Variants in NAALADL2 observed in about 807,000 individuals in gnomAD.
NAALADL2 encodes the protein N-acetylated alpha-linked acidic dipeptidase like 2.
A neutral mutation model predicts 87.2 loss-of-function variants in NAALADL2; 76 were observed. The observed-to-expected ratio is 0.87, with a 90% CI of 0.72 to 1.05. NAALADL2 has a LOEUF of 1.05. Among genes scored for constraint, NAALADL2 ranks in the 50% least tolerant of loss-of-function variants. The pLI is 0.00. For synonymous variants in NAALADL2, 354 were observed against 331.0 expected (o/e 1.07, Z -0.75); for missense variants, 1,089 against 945.8 (o/e 1.15, Z -1.99).
At chr3:174,856,635 A>C (rs1006066918), upstream of NAALADL2, among the ~76,000 whole-genome samples, 3 of 152,134 alleles carry the variant, frequency 2.0e-5, no homozygotes, top group African/African-American at 7.2e-5. Flanking sequence ...AAAATGCAAA[A>C]GTTATGAGGC....
intron 5 of NAALADL2, among the ~76,000 whole-genome samples, chr3:175,386,495 C>CTT (rs773283817): frequency 6.9e-6 from 1 of 145,232 alleles, no homozygotes; most frequent in Admixed American, 6.9e-5. Context: ...CATGTATCAT[C>CTT]TTTTTTTTTT....
At chr3:174,511,361 T>C (rs1719590967) in intron 1 of NAALADL2, among the ~76,000 whole-genome samples, 1 of 152,074 alleles carries the variant, frequency 6.6e-6, no homozygotes, top group African/African-American at 2.4e-5. Flanking sequence ...CATGAACTTT[T>C]AGGACTATTA....
chr3:175,547,902 C>T (rs1462852596), intron 9 of NAALADL2, among the ~76,000 whole-genome samples: 2 of 151,928 alleles, frequency 1.3e-5, no homozygotes, highest in African/African-American at 4.8e-5. Context: ...CAGAAAATAC[C>T]AGATGCTGGT....
At chr3:175,069,704 C>T (rs1380048435) in intron 1 of NAALADL2, among the ~76,000 whole-genome samples, 1 of 152,008 alleles carries the variant, frequency 6.6e-6, no homozygotes, top group Admixed American at 6.6e-5. Context: ...TATAAAGACA[C>T]ATGCACACAT....
intron 2 of NAALADL2, among the ~76,000 whole-genome samples, chr3:174,583,756 T>A (rs542525798): frequency 6.6e-6 from 1 of 152,166 alleles, no homozygotes; most frequent in African/African-American, 2.4e-5. Flanking sequence ...CCCTCTTTAT[T>A]TGAATGTTTG....
intron 1 of NAALADL2, among the ~76,000 whole-genome samples, chr3:174,456,839 C>T (rs924814106): frequency 3.3e-5 from 5 of 152,012 alleles, no homozygotes; most frequent in Admixed American, 1.3e-4. Flanking sequence ...ACACCAAAAG[C>T]AATTGCAGCA....
intron 2 of NAALADL2, among the ~76,000 whole-genome samples, chr3:174,734,474 GCT>G (rs944175967): frequency 4.6e-5 from 7 of 152,130 alleles, no homozygotes; most frequent in African/African-American, 1.4e-4. Context: ...GTTTTCAAGG[GCT>G]CTCTTGCAGA....
chr3:174,859,385 C>T lies in NAALADL2; in HGVS notation c.-23C>T, dbSNP rs572921641. On this transcript the variant is annotated 5_prime_UTR_variant, in exon 1 of 14. Coordinates refer to ENST00000454872, the MANE Select transcript of NAALADL2 (RefSeq NM_207015.3). ...GTGACACAACTTGAAACTGCTTGGCCCTCTTTAAAAAGAAATAATAAAATG... is the reference window on the plus strand; with the variant it reads ...GTGACACAACTTGAAACTGCTTGGCTCTCTTTAAAAAGAAATAATAAAATG... 4.4e-6 allele frequency: 7 copies of T among 1,595,202 alleles called. No individual in the cohort carries two copies. The highest frequency in any genetic ancestry group is 1.3e-5 in the African/African-American group (1 of 74,630).
intron 1 of NAALADL2, among the ~76,000 whole-genome samples, chr3:175,087,175 G>A (rs58062856): frequency 0.23 from 35,744 of 152,150 alleles, 4,283 homozygotes; most frequent in East Asian, 0.33. Flanking sequence ...CTCCCTTTTC[G>A]TATGCTGCTT....
intron 1 of NAALADL2, among the ~76,000 whole-genome samples, chr3:174,928,260 G>C (rs1048768265): frequency 6.6e-6 from 1 of 151,974 alleles, no homozygotes; most frequent in East Asian, 1.9e-4. Context: ...TTTATTTATG[G>C]AGACAGAATT....
chr3:174,909,873 T>A (rs1340068849), intron 1 of NAALADL2, among the ~76,000 whole-genome samples: 3 of 152,120 alleles, frequency 2.0e-5, no homozygotes, highest in African/African-American at 4.8e-5. Context: ...AGGCAAGAAA[T>A]GCACAATTGT....
intron 2 of NAALADL2, among the ~76,000 whole-genome samples, chr3:174,617,780 T>A (rs1720605377): frequency 6.6e-6 from 1 of 151,768 alleles, no homozygotes; most frequent in Admixed American, 6.6e-5. Flanking sequence ...CAAGGATAAT[T>A]TATAAACTGG....
chr3:174,947,401 C>T (rs917944633), intron 1 of NAALADL2, among the ~76,000 whole-genome samples: 4 of 152,066 alleles, frequency 2.6e-5, no homozygotes, highest in Non-Finnish European at 5.9e-5. Flanking sequence ...TCACTTTGAT[C>T]AAATTTATAG....
At chr3:174,805,892 T>A (rs1045549722) in intron 3 of NAALADL2, among the ~76,000 whole-genome samples, 4 of 152,286 alleles carry the variant, frequency 2.6e-5, no homozygotes, top group South Asian at 4.1e-4. Flanking sequence ...AAGGCTTCCC[T>A]ATTTCTCTAT....
intron 2 of NAALADL2, among the ~76,000 whole-genome samples, chr3:175,199,517 T>C (rs1200390033): frequency 6.6e-6 from 1 of 152,016 alleles, no homozygotes; most frequent in African/African-American, 2.4e-5. Flanking sequence ...GTGTGCCTTA[T>C]GCACTATTGT....
intron 2 of NAALADL2, among the ~76,000 whole-genome samples, chr3:174,610,099 C>G (rs1719651267): frequency 6.6e-6 from 1 of 151,430 alleles, no homozygotes; most frequent in Non-Finnish European, 1.5e-5. Flanking sequence ...GCTGGGAAAA[C>G]TGGCTAGCCA....
intron 1 of NAALADL2, among the ~76,000 whole-genome samples, chr3:175,088,186 T>C (rs951490410): frequency 6.6e-6 from 1 of 152,238 alleles, no homozygotes; most frequent in Admixed American, 6.5e-5. Context: ...TAATTTTCTT[T>C]AGATTGTAGC....
At chr3:174,898,682 T>C (rs990878196) in intron 1 of NAALADL2, among the ~76,000 whole-genome samples, 1 of 151,944 alleles carries the variant, frequency 6.6e-6, no homozygotes, top group East Asian at 1.9e-4. Flanking sequence ...AAAAATTATA[T>C]AATGTATGAA....
At chr3:175,115,579 T>C (rs1724987246) in intron 2 of NAALADL2, among the ~76,000 whole-genome samples, 1 of 151,638 alleles carries the variant, frequency 6.6e-6, no homozygotes, top group African/African-American at 2.4e-5. Context: ...AAGCAGCAAA[T>C]GTAAATTTCT....
Sources: allele counts gnomAD v4.1 joint callset (sites outside exome capture counted in the v4.1 genomes callset), GRCh38; gene constraint gnomAD v4.1.1; transcripts MANE v1.5; gene names NCBI Gene and HGNC (gene_info 2026-07-23, HGNC 2026-07-21).